MSI2: variants seen among roughly 807,000 people sequenced by gnomAD.
The protein encoded by MSI2 is musashi RNA binding protein 2, also known as RNA-binding protein Musashi homolog 2.
A neutral mutation model predicts 45.6 loss-of-function variants in MSI2; 17 were observed. The ratio of observed to expected loss-of-function variants is 0.37; its 90% confidence interval spans 0.26 to 0.56. MSI2 has a LOEUF of 0.56. MSI2 is among the 20% of genes least tolerant of loss of function. The probability of loss-of-function intolerance (pLI) is 0.77; values close to 1 mark genes in which losing one functional copy is unlikely to be tolerated. For missense variants in MSI2, 293 were observed against 444.2 expected (o/e 0.66, Z 3.06); for synonymous variants, 156 against 158.2 (o/e 0.99, Z 0.11).
At chr17:57,674,930 A>G in intron 11 of MSI2, 42 bp from the exon 12 acceptor site, 2 of 1,610,716 alleles carry the variant, frequency 1.2e-6, no homozygotes, top group South Asian at 1.1e-5. Flanking sequence ...CTGAATAGCT[A>G]CAGTGCTCAA....
At chr17:57,492,380 C>T (rs1228753441) in intron 6 of MSI2, among the ~76,000 whole-genome samples, 2 of 152,184 alleles carry the variant, frequency 1.3e-5, no homozygotes, top group Non-Finnish European at 2.9e-5. Flanking sequence ...GTCAAGAAAT[C>T]AGGAGATAAA....
intron 5 of MSI2, among the ~76,000 whole-genome samples, chr17:57,394,864 C>A (rs139235679): frequency 2.6e-5 from 4 of 152,224 alleles, no homozygotes; most frequent in Non-Finnish European, 4.4e-5. Flanking sequence ...GGTGTCCTTG[C>A]GCTTCTCCCG....
chr17:57,567,826 C>T (rs1010329280), intron 7 of MSI2, among the ~76,000 whole-genome samples: 5 of 152,320 alleles, frequency 3.3e-5, no homozygotes, highest in Admixed American at 6.5e-5. Context: ...TCTCTGTCTA[C>T]AGTTACAACA....
chr17:57,421,994 T>C (rs946639950), intron 6 of MSI2, among the ~76,000 whole-genome samples: 3 of 152,240 alleles, frequency 2.0e-5, no homozygotes, highest in African/African-American at 7.2e-5. Flanking sequence ...TAATATTTAA[T>C]ACTATCAAAT....
At chr17:57,697,621 T>C in the MSI2 span, among the ~76,000 whole-genome samples, 1 of 150,944 alleles carries the variant, frequency 6.6e-6, no homozygotes, top group Admixed American at 6.6e-5. Flanking sequence ...AGAAAAAGAG[T>C]TTTAAATGGA....
intron 6 of MSI2, among the ~76,000 whole-genome samples, chr17:57,513,601 C>A (rs1463195113): frequency 6.6e-6 from 1 of 152,210 alleles, no homozygotes; most frequent in Non-Finnish European, 1.5e-5. Context: ...AAAGACAGGA[C>A]TATATGCCCA....
At chr17:57,424,394 G>A (rs76853546) in intron 6 of MSI2, among the ~76,000 whole-genome samples, 5,393 of 152,270 alleles carry the variant, frequency 0.035, 111 homozygotes, top group Middle Eastern at 0.085. Flanking sequence ...GGAGATGAGC[G>A]TTCTCTCTGC....
rs937171470 is a variant in MSI2 at position 57,682,321 on chromosome 17, C to CG, written c.*2804_*2805insG. The stretch of plus-strand genomic sequence containing the variant: ...GACTCTACGGCGTTTTGTAGATCCC[C>CG]CCCCCCCCACCCACTGTGAAGGGGT... On this transcript the variant is annotated 3_prime_UTR_variant, in exon 14 of 14. Transcript: ENST00000284073. 6 of 144,102 alleles carry CG rather than the reference C, an allele frequency of 4.2e-5. No individual in the cohort carries two copies. Among genetic ancestry groups the CG allele is most frequent in the South Asian group, 2.7e-4 (1 of 3,638 alleles). The allele number at this position is 144,102 out of a possible 1,614,324, so 8.9% of individuals were successfully genotyped here. A position where few individuals can be genotyped will look rare whatever the true frequency, so the allele number is the denominator to read the frequency against.
chr17:57,506,811 G>GGTTA (rs1279779984), intron 6 of MSI2, among the ~76,000 whole-genome samples: 1 of 152,194 alleles, frequency 6.6e-6, no homozygotes, highest in African/African-American at 2.4e-5. Context: ...GGACAGCCAG[G>GGTTA]GTTAGACAGG....
intron 10 of MSI2, chr17:57,633,296 T>C (rs1909570688): frequency 3.4e-6 from 2 of 587,690 alleles, no homozygotes; most frequent in East Asian, 9.0e-5. Context: ...TCTAAAAGCA[T>C]GCGAACTCCC....
intron 6 of MSI2, among the ~76,000 whole-genome samples, chr17:57,429,362 G>T (rs1454317569): frequency 6.6e-6 from 1 of 152,190 alleles, no homozygotes. Flanking sequence ...GAGAAAAGGA[G>T]AGGCTGATCA....
chr17:57,357,681 A>G (rs1189327413), intron 5 of MSI2, among the ~76,000 whole-genome samples: 1 of 152,080 alleles, frequency 6.6e-6, no homozygotes, highest in African/African-American at 2.4e-5. Flanking sequence ...TGAAATCATG[A>G]CCTGCCCGAC....
chr17:57,618,023 A>G (rs1201851848), intron 9 of MSI2: 4 of 151,930 alleles, frequency 2.6e-5, no homozygotes, highest in African/African-American at 9.7e-5. Context: ...GTGAGCCAAG[A>G]TTGTGCCACT....
At chr17:57,578,168 C>G (rs1405567135) in intron 7 of MSI2, among the ~76,000 whole-genome samples, 1 of 152,182 alleles carries the variant, frequency 6.6e-6, no homozygotes, top group Non-Finnish European at 1.5e-5. Flanking sequence ...TATATTAAAG[C>G]TTTAAGAATC....
At chr17:57,354,129 T>C (rs1398185110) in intron 5 of MSI2, among the ~76,000 whole-genome samples, 1 of 152,218 alleles carries the variant, frequency 6.6e-6, no homozygotes, top group Non-Finnish European at 1.5e-5. Flanking sequence ...GTTACTGTTT[T>C]CTATTATCAA....
rs551357109 is a variant in MSI2 at position 57,333,512 on chromosome 17, A to G, written c.313-67867A>G. On this transcript the variant is annotated intron_variant, in intron 5 of 13. Coordinates refer to ENST00000284073, the MANE Select transcript of MSI2 (RefSeq NM_138962.4). ...GAGTGCAGTGGCACAATCTCCTCTC[A>G]CTGCAACCTCTGCCTCCTGGGTTCA... 2.7e-5 allele frequency among the ~76,000 whole-genome samples: 4 copies of G among 149,804 alleles called. No homozygotes were observed. In the East Asian group the frequency reaches 7.9e-4, roughly 30 times the overall value.
Position 57,598,454 on chromosome 17 carries a change from C to T in MSI2, c.537+1504C>T, listed in dbSNP as rs146357292. 3.5e-3 allele frequency among the ~76,000 whole-genome samples: 535 copies of T among 152,238 alleles called. 3 individuals are homozygous for T. The highest frequency in any genetic ancestry group is 6.8e-3 in the Middle Eastern group (2 of 294). On this transcript the variant is annotated intron_variant, in intron 8 of 13. Coordinates refer to ENST00000284073, the MANE Select transcript of MSI2 (RefSeq NM_138962.4). ...CCCAGGGCACTAAAATAATATTGTT[C>T]GTATTGTTCCTTGCCATCATATGCA...
intron 5 of MSI2, among the ~76,000 whole-genome samples, chr17:57,291,397 C>T (rs1435165511): frequency 6.6e-6 from 1 of 152,148 alleles, no homozygotes; most frequent in African/African-American, 2.4e-5. Context: ...ACCAATAATA[C>T]CGAGCAATAA....
chr17:57,257,354 CAG>C (rs1436121640), intron 2 of MSI2, 110 bp from the exon 3 acceptor site: 16 of 709,310 alleles, frequency 2.3e-5, no homozygotes, highest in East Asian at 5.9e-5. Context: ...AAAAACAAAA[CAG>C]AATAACAACA....
Sources: allele counts gnomAD v4.1 joint callset (sites outside exome capture counted in the v4.1 genomes callset), GRCh38; gene constraint gnomAD v4.1.1; transcripts MANE v1.5; gene names NCBI Gene and HGNC (gene_info 2026-07-23, HGNC 2026-07-21).